Variants in MYBL2 observed in about 807,000 individuals in gnomAD.
MYBL2 encodes the protein myb-related protein B.
A neutral mutation model predicts 79.9 loss-of-function variants in MYBL2; 28 were observed. The ratio of observed to expected loss-of-function variants is 0.35; its 90% confidence interval spans 0.26 to 0.48. The LOEUF is 0.48. Among genes scored for constraint, MYBL2 ranks in the 20% least tolerant of loss-of-function variants. The pLI is 0.99. For synonymous variants in MYBL2, 378 were observed against 361.2 expected, an observed-to-expected ratio of 1.05 and a Z score of -0.53; for missense variants, 735 against 893.9, an observed-to-expected ratio of 0.82 and a Z score of 2.27.
chr20:43,681,412 T>C (rs1440631807), intron 2 of MYBL2, among the ~76,000 whole-genome samples: 1 of 152,234 alleles, frequency 6.6e-6, no homozygotes, highest in African/African-American at 2.4e-5. Context: ...GTCTGGCCCC[T>C]ATGGTTCCCT....
intron 12 of MYBL2, among the ~76,000 whole-genome samples, chr20:43,714,703 C>T (rs1987988115): frequency 6.6e-6 from 1 of 152,116 alleles, no homozygotes; most frequent in Non-Finnish European, 1.5e-5. Context: ...TCTCGGCTCA[C>T]TGCAAGCTCC....
chr20:43,692,387 C>T, intron 6 of MYBL2, 68 bp downstream of exon 6: 1 of 1,580,304 alleles, frequency 6.3e-7, no homozygotes, highest in Non-Finnish European at 8.6e-7. Flanking sequence ...TCATTGAACA[C>T]CTTGTCCACA....
In MYBL2 at chr20:43,702,792, G is replaced by A; in HGVS notation, c.1254G>A (p.Val418=). Residue 418 remains valine (V), a synonymous_variant, in exon 8 of 14, where the codon GTG becomes GTA. Transcript: ENST00000217026. Reference sequence around the variant, plus strand: ...TCAAGCGGCAGAGGAAGAGGCGTGTGGCTCTGTCCCCTGTCACTGAGAATA... The same window carrying A: ...TCAAGCGGCAGAGGAAGAGGCGTGTAGCTCTGTCCCCTGTCACTGAGAATA... ...SVLKRQRKRR[V]ALSPVTENST... 1 of 1,614,204 alleles carries A rather than the reference G, an allele frequency of 6.2e-7. No individual in the cohort carries two copies. Among genetic ancestry groups the A allele is most frequent in the Non-Finnish European group, 8.5e-7 (1 of 1,180,042 alleles).
intron 2 of MYBL2, among the ~76,000 whole-genome samples, chr20:43,678,869 A>C (rs965139791): frequency 3.6e-5 from 5 of 138,850 alleles, no homozygotes; most frequent in African/African-American, 1.2e-4. Flanking sequence ...AAAAAAAAAA[A>C]AAAAAGAAAA....
At position 43,691,869 on chromosome 20, in the gene MYBL2, A is replaced by G. The variant is rs1438953510; in HGVS notation, c.501-288A>G. ...TTTTTTTTTTTTTTAATTAAAAAAAATTTTGTTTTTTACCTGAACCTGACA... is the reference window on the plus strand; with the variant it reads ...TTTTTTTTTTTTTTAATTAAAAAAAGTTTTGTTTTTTACCTGAACCTGACA... On this transcript the variant is annotated intron_variant, in intron 5 of 13. Transcript: ENST00000217026. 3.3e-5 allele frequency among the ~76,000 whole-genome samples: 5 copies of G among 151,236 alleles called. 1 individual carries two copies. Among genetic ancestry groups the G allele is most frequent in the African/African-American group, 1.2e-4 (5 of 41,208 alleles).
chr20:43,700,472 GGT>G (rs929350359), intron 7 of MYBL2, among the ~76,000 whole-genome samples: 2 of 152,154 alleles, frequency 1.3e-5, no homozygotes, highest in African/African-American at 2.4e-5. Context: ...AGTGGGTTCT[GGT>G]TACTCAGGGT....
chr20:43,677,290 G>A (rs1987035421), intron 2 of MYBL2, among the ~76,000 whole-genome samples: 2 of 152,164 alleles, frequency 1.3e-5, no homozygotes, highest in Non-Finnish European at 2.9e-5. Flanking sequence ...GTCATCCGCG[G>A]CACCGGTAGG....
rs559680795 is a variant in MYBL2, at chr20:43,711,336, T to C, written c.1606-152T>C. The C allele has an allele frequency of 1.8e-4, 110 of 596,406 alleles. 1 individual carries two copies. Among genetic ancestry groups the C allele is most frequent in the South Asian group, 1.7e-3 (84 of 50,004 alleles). 36.9% of individuals were successfully genotyped at this position (596,406 alleles called of 1,614,324 possible). A position where few individuals can be genotyped will look rare whatever the true frequency, so the allele number is the denominator to read the frequency against. The stretch of plus-strand genomic sequence containing the variant: ...TGTCCAAGGCAGCAGTTAGTGGTTG[T>C]GAATGGTGCGTGTGAGATCTGCATC... On this transcript the variant is annotated intron_variant, in intron 10 of 13. Transcript: ENST00000217026.
intron 4 of MYBL2, among the ~76,000 whole-genome samples, chr20:43,685,771 C>T (rs1418049447): frequency 5.3e-5 from 8 of 151,312 alleles, no homozygotes; most frequent in Non-Finnish European, 5.9e-5. Flanking sequence ...ATGGCGGTGG[C>T]TCACGCCTAT....
chr20:43,682,134 T>G (rs778145437), intron 3 of MYBL2, among the ~76,000 whole-genome samples: 7 of 152,250 alleles, frequency 4.6e-5, no homozygotes, highest in Non-Finnish European at 8.8e-5. Context: ...CATTTCTTCC[T>G]GTAAGTCAGG....
At chr20:43,669,196 C>G (rs1350541026) in intron 1 of MYBL2, among the ~76,000 whole-genome samples, 1 of 152,176 alleles carries the variant, frequency 6.6e-6, no homozygotes, top group Admixed American at 6.6e-5. Context: ...TGTGTCTCAC[C>G]TCACTATGTT....
At chr20:43,693,599 A>G (rs1987465805) in intron 6 of MYBL2, among the ~76,000 whole-genome samples, 1 of 152,136 alleles carries the variant, frequency 6.6e-6, no homozygotes, top group Non-Finnish European at 1.5e-5. Context: ...AGCCTCCCAA[A>G]GTGCTGGCAT....
At chr20:43,701,727 A>G (rs1483661236) in intron 7 of MYBL2, among the ~76,000 whole-genome samples, 3 of 152,188 alleles carry the variant, frequency 2.0e-5, no homozygotes, top group African/African-American at 7.2e-5. Context: ...TCGTTCTATA[A>G]AAATATCTGC....
chr20:43,704,587 C>T (rs1987739582), intron 8 of MYBL2, among the ~76,000 whole-genome samples: 1 of 152,196 alleles, frequency 6.6e-6, no homozygotes, highest in African/African-American at 2.4e-5. Flanking sequence ...ATTATAGCAC[C>T]TTCAGGGCAG....
intron 4 of MYBL2, among the ~76,000 whole-genome samples, chr20:43,685,282 G>A (rs1429851776): frequency 6.6e-6 from 1 of 151,864 alleles, no homozygotes; most frequent in Non-Finnish European, 1.5e-5. Flanking sequence ...CTAGGGACAA[G>A]CGATTTTCCT....
intron 6 of MYBL2, among the ~76,000 whole-genome samples, chr20:43,696,851 T>C (rs4289252): frequency 0.88 from 134,791 of 152,334 alleles, 59,353 homozygotes; most frequent in South Asian, 0.92. Flanking sequence ...CTCAGCCTCC[T>C]GAGTAGCTGG....
chr20:43,698,351 A>ATTTTTTTTTTTT (rs71193701), intron 6 of MYBL2, among the ~76,000 whole-genome samples: 2 of 49,076 alleles, frequency 4.1e-5, no homozygotes, highest in Non-Finnish European at 7.1e-5. Flanking sequence ...CGCCCCGCAT[A>ATTTTTTTTTTTT]TTTTTTTTTT....
chr20:43,669,047 T>C (rs188910964), intron 1 of MYBL2, among the ~76,000 whole-genome samples: 3 of 152,276 alleles, frequency 2.0e-5, no homozygotes, highest in African/African-American at 7.2e-5. Flanking sequence ...GGATTTTTAG[T>C]AGAGATGGGT....
chr20:43,671,486 T>TTG (rs1986855422), intron 1 of MYBL2, among the ~76,000 whole-genome samples: 2 of 145,748 alleles, frequency 1.4e-5, no homozygotes, highest in South Asian at 4.5e-4. Context: ...TTTTTTTTTT[T>TTG]TGTGAGATGG....
Sources: allele counts gnomAD v4.1 joint callset (sites outside exome capture counted in the v4.1 genomes callset), GRCh38; gene constraint gnomAD v4.1.1; transcripts MANE v1.5; gene names NCBI Gene and HGNC (gene_info 2026-07-23, HGNC 2026-07-21).